SNX29: variants seen among roughly 807,000 people sequenced by gnomAD.
The protein encoded by SNX29 is sorting nexin 29, also known as sorting nexin-29.
SNX29 carries 78 observed loss-of-function variants against 102.1 expected under a neutral mutation model. The ratio of observed to expected loss-of-function variants is 0.76; its 90% CI spans 0.64 to 0.92. The LOEUF is 0.92. Among genes scored for constraint, SNX29 ranks in the 40% least tolerant of loss-of-function variants. SNX29 has a pLI of 0.00. For synonymous variants in SNX29, 580 were observed against 414.5 expected (o/e 1.40, Z -4.85); for missense variants, 1,280 against 1,061.7 (o/e 1.21, Z -2.86).
chr16:12,078,956 C>A, intron 11 of SNX29, 41 bp downstream of exon 11: 3 of 1,530,372 alleles, frequency 2.0e-6, no homozygotes, highest in Non-Finnish European at 2.7e-6. Flanking sequence ...TCTGGGATGA[C>A]TTCTGGCCCA....
rs372566995 is a variant in SNX29, at chr16:12,462,005, A to G, written c.2038-15714A>G. Among the ~76,000 whole-genome samples, 227 of 72,960 alleles carry G rather than the reference A, an allele frequency of 3.1e-3. 1 individual carries two copies. The highest frequency in any genetic ancestry group is 0.012 in the African/African-American group (159 of 13,808). 47.9% of individuals were successfully genotyped at this position (72,960 alleles called of 152,430 possible). On this transcript the variant is annotated intron_variant, in intron 18 of 20. Coordinates refer to ENST00000566228, the MANE Select transcript of SNX29 (RefSeq NM_032167.5). ...TATATATATATATATATATATATAT[A>G]TATATATGTATACACACACACACAC... is the stretch of plus-strand genomic sequence containing the variant.
intron 11 of SNX29, among the ~76,000 whole-genome samples, chr16:12,115,438 C>A (rs2053655294): frequency 6.6e-6 from 1 of 151,366 alleles, no homozygotes; most frequent in South Asian, 2.1e-4. Context: ...TTTTTGCTGC[C>A]TCTACTGTAT....
At chr16:12,437,641 CA>C in intron 18 of SNX29, among the ~76,000 whole-genome samples, 1 of 152,334 alleles carries the variant, frequency 6.6e-6, no homozygotes, top group Admixed American at 6.5e-5. Context: ...CTTCCCCACC[CA>C]TAGCTGCCCT....
At chr16:12,008,649 T>A (rs911556566) in intron 3 of SNX29, among the ~76,000 whole-genome samples, 13 of 152,068 alleles carry the variant, frequency 8.5e-5, no homozygotes, top group African/African-American at 1.7e-4. Context: ...CTCTCTTTTT[T>A]AAAAGAGTGT....
intron 13 of SNX29, among the ~76,000 whole-genome samples, chr16:12,184,793 T>A (rs1340788786): frequency 3.9e-5 from 6 of 152,204 alleles, no homozygotes; most frequent in Non-Finnish European, 7.3e-5. Context: ...AGCAGAAACA[T>A]GTTTTACTCA....
intron 18 of SNX29, among the ~76,000 whole-genome samples, chr16:12,460,716 G>A (rs1424641889): frequency 6.7e-6 from 1 of 149,304 alleles, no homozygotes; most frequent in Admixed American, 6.7e-5. Flanking sequence ...GGAGTGCAGT[G>A]GTGCGATCTC....
At chr16:12,025,175 G>A (rs947960713) in intron 3 of SNX29, among the ~76,000 whole-genome samples, 5 of 151,870 alleles carry the variant, frequency 3.3e-5, no homozygotes, top group East Asian at 3.9e-4. Flanking sequence ...GGTGGCAGGC[G>A]CCTGTATTCC....
chr16:12,232,585 C>G (rs75469563), intron 14 of SNX29, among the ~76,000 whole-genome samples: 5,910 of 152,164 alleles, frequency 0.039, 411 homozygotes, highest in African/African-American at 0.14. Flanking sequence ...GAAGAGTTTT[C>G]GTTTTTAATC....
chr16:12,308,677 G>A (rs189383180), intron 15 of SNX29, among the ~76,000 whole-genome samples: 1 of 152,170 alleles, frequency 6.6e-6, no homozygotes, highest in Admixed American at 6.5e-5. Flanking sequence ...TGCAATGCCT[G>A]TGTAATATTT....
At chr16:12,418,980 G>T (rs1253671320) in intron 18 of SNX29, among the ~76,000 whole-genome samples, 5 of 152,308 alleles carry the variant, frequency 3.3e-5, no homozygotes, top group African/African-American at 1.2e-4. Context: ...AGACTGAGTG[G>T]AAAGAAGGGG....
chr16:12,178,471 A>T (rs74936258), intron 13 of SNX29, among the ~76,000 whole-genome samples: 1 of 152,308 alleles, frequency 6.6e-6, no homozygotes, highest in East Asian at 1.9e-4. Context: ...AGATTTCGCA[A>T]AACCAGCCTG....
At chr16:12,418,783 G>A (rs533804514) in intron 18 of SNX29, among the ~76,000 whole-genome samples, 1 of 152,280 alleles carries the variant, frequency 6.6e-6, no homozygotes, top group South Asian at 2.1e-4. Context: ...CCAAAGTGCT[G>A]GGATTACAGA....
At chr16:12,089,955 C>G (rs1412112419) in intron 11 of SNX29, 1 of 249,334 alleles carries the variant, frequency 4.0e-6, no homozygotes, top group African/African-American at 2.3e-5. Context: ...AGGCTGCTGA[C>G]AGTCCTGTCA....
At chr16:12,347,495 C>A (rs1245224237) in intron 15 of SNX29, among the ~76,000 whole-genome samples, 1 of 152,038 alleles carries the variant, frequency 6.6e-6, no homozygotes, top group Non-Finnish European at 1.5e-5. Flanking sequence ...CCAGACTGAC[C>A]ACCTCCCTCC....
chr16:12,505,305 G>A (rs1249736435), intron 19 of SNX29, among the ~76,000 whole-genome samples: 1 of 152,054 alleles, frequency 6.6e-6, no homozygotes, highest in African/African-American at 2.4e-5. Flanking sequence ...TTCTTCTGGA[G>A]ACTGGGAATT....
intron 15 of SNX29, among the ~76,000 whole-genome samples, chr16:12,288,296 C>T (rs375064237): frequency 1.1e-4 from 17 of 152,292 alleles, no homozygotes; most frequent in East Asian, 5.8e-4. Flanking sequence ...CCAGGAGTTA[C>T]GGCCCCTTTC....
intron 20 of SNX29, among the ~76,000 whole-genome samples, chr16:12,547,733 C>T (rs528592825): frequency 2.0e-5 from 3 of 152,140 alleles, no homozygotes; most frequent in Admixed American, 6.5e-5. Context: ...CCATCACTGC[C>T]CCTCTAAGCC....
At chr16:12,372,086 G>C (rs1018080782) in intron 16 of SNX29, among the ~76,000 whole-genome samples, 2 of 152,172 alleles carry the variant, frequency 1.3e-5, no homozygotes, top group Non-Finnish European at 2.9e-5. Flanking sequence ...TGAAGCGTTT[G>C]GTATATACCC....
At chr16:12,295,664 C>A (rs1032006334) in intron 15 of SNX29, among the ~76,000 whole-genome samples, 1 of 152,220 alleles carries the variant, frequency 6.6e-6, no homozygotes, top group African/African-American at 2.4e-5. Flanking sequence ...GTGACAAGTA[C>A]TTTAGAAAAG....
Sources: gnomAD v4.1 joint callset for allele counts (sites outside exome capture counted in the v4.1 genomes callset) on GRCh38, gnomAD v4.1.1 for gene constraint, MANE v1.5 for transcripts, NCBI Gene and HGNC (gene_info 2026-07-23, HGNC 2026-07-21) for gene names.